The following CSMD3 variants were observed in gnomAD, a reference collection of about 807,000 sequenced individuals.
The protein encoded by CSMD3 is CUB and Sushi multiple domains 3.
Under a neutral mutation model 435.2 loss-of-function variants are expected in CSMD3, and 177 were observed. That is an observed-to-expected ratio of 0.41 (90% CI 0.36 to 0.46). The LOEUF is 0.46. Ranked by LOEUF, CSMD3 falls within the 20% of genes least tolerant of loss-of-function variation. The pLI is 0.34. For missense variants in CSMD3, 4,265 were observed against 4,504.6 expected (o/e 0.95, Z 1.52); for synonymous variants, 1,656 against 1,520.5 (o/e 1.09, Z -2.07).
chr8:112,265,540 C>T lies in CSMD3; in HGVS notation c.9559G>A (p.Asp3187Asn), dbSNP rs969064182. The T allele has an allele frequency of 1.9e-6, 3 of 1,613,530 alleles. No homozygotes were observed. Among genetic ancestry groups the T allele is most frequent in the Non-Finnish European group, 2.5e-6 (3 of 1,179,654 alleles). The change falls in exon 60 of 71, where the codon GAT becomes AAT. Residue 3187 changes from aspartate to asparagine, a missense_variant. Transcript: ENST00000297405. The stretch of plus-strand genomic sequence containing the variant: ...ACATTTTGTCCAACCACATAATCAT[C>T]TCCATATCTCAGTCCATTGGCTGGT... ...GIPANGLRYG[D>N]DYVVGQNVSY...
At chr8:113,225,758 T>C (rs2093020334) in intron 3 of CSMD3, among the ~76,000 whole-genome samples, 1 of 151,548 alleles carries the variant, frequency 6.6e-6, no homozygotes, top group South Asian at 2.1e-4. Flanking sequence ...GAGTTAGAGC[T>C]GTACCTGCGA....
At chr8:113,076,266 G>A (rs977063472) in intron 5 of CSMD3, among the ~76,000 whole-genome samples, 1 of 151,436 alleles carries the variant, frequency 6.6e-6, no homozygotes, top group Non-Finnish European at 1.5e-5. Context: ...TTATCCTTTT[G>A]AAGTTGATAG....
chr8:112,881,148 C>T (rs12680710), intron 10 of CSMD3, among the ~76,000 whole-genome samples: 76,352 of 151,756 alleles, frequency 0.5, 19,762 homozygotes, highest in East Asian at 0.79. Flanking sequence ...CCTTCATGCA[C>T]CTCACGTTAC....
intron 28 of CSMD3, among the ~76,000 whole-genome samples, chr8:112,514,896 C>CA (rs1823511418): frequency 1.3e-5 from 2 of 150,816 alleles, no homozygotes; most frequent in African/African-American, 4.9e-5. Context: ...ATTTTTCAGA[C>CA]TTTTTTTTTA....
intron 11 of CSMD3, among the ~76,000 whole-genome samples, chr8:112,835,161 C>T (rs919513780): frequency 1.3e-5 from 2 of 151,738 alleles, no homozygotes; most frequent in Non-Finnish European, 2.9e-5. Context: ...CCATAGATAG[C>T]ATTAAATATT....
At chr8:113,276,955 C>T (rs2093575848) in intron 3 of CSMD3, among the ~76,000 whole-genome samples, 2 of 151,954 alleles carry the variant, frequency 1.3e-5, no homozygotes, top group South Asian at 4.1e-4. Context: ...CAATTGGGAG[C>T]TATGAAAATA....
At chr8:113,009,449 G>C (rs1050504719) in intron 6 of CSMD3, among the ~76,000 whole-genome samples, 1 of 151,536 alleles carries the variant, frequency 6.6e-6, no homozygotes, top group Non-Finnish European at 1.5e-5. Context: ...TTAATTCCTG[G>C]GAATCTCTAT....
chr8:112,729,732 A>G (rs147108195), intron 13 of CSMD3, among the ~76,000 whole-genome samples: 4 of 152,228 alleles, frequency 2.6e-5, no homozygotes, highest in Admixed American at 2.6e-4. Context: ...ATATGGACAC[A>G]CAGAAGAGAA....
chr8:112,268,268 CAAAA>C (rs1817143130), intron 59 of CSMD3, among the ~76,000 whole-genome samples: 2 of 152,212 alleles, frequency 1.3e-5, no homozygotes, highest in South Asian at 4.1e-4. Context: ...CTCAAATTCT[CAAAA>C]ACACATAAAT....
intron 13 of CSMD3, among the ~76,000 whole-genome samples, chr8:112,766,804 A>T (rs975975859): frequency 6.6e-6 from 1 of 151,882 alleles, no homozygotes; most frequent in Non-Finnish European, 1.5e-5. Context: ...TTTGGAGATC[A>T]GTCTTTCTAT....
chr8:112,986,886 T>A (rs2085274092), intron 6 of CSMD3, among the ~76,000 whole-genome samples: 1 of 152,006 alleles, frequency 6.6e-6, no homozygotes, highest in African/African-American at 2.4e-5. Flanking sequence ...AAGTAAAAAA[T>A]TCAATGTTCT....
chr8:112,593,992 A>C (rs1413910329), intron 22 of CSMD3, among the ~76,000 whole-genome samples: 2 of 152,070 alleles, frequency 1.3e-5, no homozygotes, highest in Non-Finnish European at 2.9e-5. Context: ...ATTTTAAGTG[A>C]AAGGAATAGT....
rs2131661670 is a variant in CSMD3, at chr8:112,656,248, C to A, written c.2910G>T (p.Val970=). ...TACTGCTACTAAATAGAAACTGGGG[C>A]ACTTGGGTGCCATTGTAAGATCCAA... ...PLLGSYNGTQ[V]PQFLFSSSNF... Residue 970 remains valine, a synonymous_variant, in exon 18 of 71, where the codon GTG becomes GTT. Coordinates refer to ENST00000297405, the MANE Select transcript of CSMD3 (RefSeq NM_198123.2). 1 of 1,609,770 alleles carries A rather than the reference C, an allele frequency of 6.2e-7. No homozygotes were observed. The highest frequency in any genetic ancestry group is 8.5e-7 in the Non-Finnish European group (1 of 1,176,288).
intron 1 of CSMD3, among the ~76,000 whole-genome samples, chr8:113,384,614 A>G (rs1339361704): frequency 6.6e-6 from 1 of 152,200 alleles, no homozygotes; most frequent in African/African-American, 2.4e-5. Flanking sequence ...TTCTCAAAAA[A>G]CAGGGAATCA....
At chr8:113,110,601 A>G (rs1393288774) in intron 4 of CSMD3, among the ~76,000 whole-genome samples, 1 of 152,138 alleles carries the variant, frequency 6.6e-6, no homozygotes. Flanking sequence ...TTTTTACCTA[A>G]GAAGATTGAG....
intron 1 of CSMD3, among the ~76,000 whole-genome samples, chr8:113,408,769 A>T (rs749422076): frequency 4.0e-5 from 6 of 151,312 alleles, no homozygotes; most frequent in Non-Finnish European, 8.8e-5. Context: ...GGTTCAAGCG[A>T]TTCTTCTGTC....
chr8:112,290,411 A>G (rs1276395765), intron 56 of CSMD3, among the ~76,000 whole-genome samples: 1 of 152,010 alleles, frequency 6.6e-6, no homozygotes, highest in Non-Finnish European at 1.5e-5. Flanking sequence ...AAGTCCTATG[A>G]AGAGATTTTT....
At chr8:113,302,631 C>G (rs1010855612) in intron 2 of CSMD3, among the ~76,000 whole-genome samples, 1 of 151,908 alleles carries the variant, frequency 6.6e-6, no homozygotes, top group Middle Eastern at 3.4e-3. Context: ...ATGGTCACTT[C>G]GATTATGCCA....
At chr8:112,244,358 C>A in intron 65 of CSMD3, 36 bp downstream of exon 65, 2 of 1,550,504 alleles carry the variant, frequency 1.3e-6, no homozygotes, top group Non-Finnish European at 1.8e-6. Context: ...ATAGTGCAAT[C>A]TCTTGTGTTA....
Sources: allele counts gnomAD v4.1 joint callset (sites outside exome capture counted in the v4.1 genomes callset), GRCh38; gene constraint gnomAD v4.1.1; transcripts MANE v1.5; gene names NCBI Gene and HGNC (gene_info 2026-07-23, HGNC 2026-07-21).